Variants in KRT72 observed in about 807,000 individuals in gnomAD.
KRT72 encodes keratin, type II cytoskeletal 72.
In KRT72, 44 loss-of-function variants were observed where a neutral mutation model predicts 44.7. That is an observed-to-expected ratio of 0.98 (90% CI 0.77 to 1.27). KRT72 has a LOEUF of 1.27. Ranked by LOEUF, KRT72 falls within the 50% of genes most tolerant of loss-of-function variation. The pLI is 0.00. For synonymous variants in KRT72, 302 were observed against 280.4 expected, an observed-to-expected ratio of 1.08 and a Z score of -0.77; for missense variants, 736 against 667.1, an observed-to-expected ratio of 1.10 and a Z score of -1.14.
intron 4 of KRT72, among the ~76,000 whole-genome samples, chr12:52,591,836 A>G (rs1469353773): frequency 6.6e-6 from 1 of 152,120 alleles, no homozygotes; most frequent in African/African-American, 2.4e-5. Context: ...TTGCACACTC[A>G]GGAGCACTCC....
chr12:52,601,851 G>A (rs868278310), upstream of KRT72, among the ~76,000 whole-genome samples: 1 of 152,150 alleles, frequency 6.6e-6, no homozygotes, highest in African/African-American at 2.4e-5. Flanking sequence ...CTGGGGAGAC[G>A]GAGGTGTGTG....
intron 2 of KRT72, among the ~76,000 whole-genome samples, chr12:52,598,334 C>T (rs1335012588): frequency 6.6e-6 from 1 of 152,188 alleles, no homozygotes; most frequent in Admixed American, 6.5e-5. Context: ...CCCTAGAAAT[C>T]CTGGCATCTG....
Position 52,590,824 on chromosome 12 carries a change from C to T in KRT72, c.1089+12G>A. 2 of 1,564,096 alleles carry T rather than the reference C, an allele frequency of 1.3e-6. No individual in the cohort carries two copies. Among genetic ancestry groups the T allele is most frequent in the African/African-American group, 1.4e-5 (1 of 73,966 alleles). ...ATAAATACTGTTAGTGGATTAATTT[C>T]ATAGAACCCACCTGCTTCTTCACAT... On this transcript the variant is annotated intron_variant, in intron 6 of 8. Coordinates refer to ENST00000293745, the MANE Select transcript of KRT72 (RefSeq NM_080747.3).
At chr12:52,601,900 G>A (rs1224238957), upstream of KRT72, among the ~76,000 whole-genome samples, 1 of 152,202 alleles carries the variant, frequency 6.6e-6, no homozygotes, top group Non-Finnish European at 1.5e-5. Context: ...AGAAGGCCAT[G>A]AATAGAGTCA....
chr12:52,593,338 C>T (rs1940121227), intron 2 of KRT72, among the ~76,000 whole-genome samples: 1 of 152,156 alleles, frequency 6.6e-6, no homozygotes, highest in South Asian at 2.1e-4. Flanking sequence ...ACCTCCTAGG[C>T]ACCAAACAAA....
rs780716832 is a variant in KRT72 at position 52,586,137 on chromosome 12, C to A, written c.1381G>T (p.Ala461Ser). Residue 461 changes from alanine (A) to serine (S), a missense_variant, in exon 9 of 9, where the codon GCT becomes TCT. Transcript: ENST00000293745. ...GCGCCAAAGCCCATGCTGAAGCCAG[C>A]CCCTCCTGCCCCAGCATTGGTGCTG... ...ISSTNAGAGG[A>S]GFSMGFGASS... is the part of the protein sequence containing the mutation. The A allele has an allele frequency of 3.7e-6, 6 of 1,613,914 alleles. No individual in the cohort carries two copies.
chr12:52,586,820 C>A, intron 8 of KRT72, 126 bp downstream of exon 8: 1 of 909,218 alleles, frequency 1.1e-6, no homozygotes, highest in South Asian at 1.4e-5. Context: ...CAGCTCCTTC[C>A]TTTTTCCCTT....
chr12:52,602,288 G>T (rs762606200), upstream of KRT72, among the ~76,000 whole-genome samples: 8 of 152,132 alleles, frequency 5.3e-5, no homozygotes, highest in Non-Finnish European at 7.4e-5. Flanking sequence ...TAGCAGAAGA[G>T]GCTTATTTAT....
chr12:52,593,014 C>A (rs1184949236), intron 2 of KRT72, 62 bp from the exon 3 acceptor site: 1 of 1,470,628 alleles, frequency 6.8e-7, no homozygotes, highest in Non-Finnish European at 9.4e-7. Context: ...CAGTTAGTGA[C>A]CACCTCTGTG....
At position 52,587,653 on chromosome 12, in the gene KRT72, G is replaced by C; in HGVS notation, c.1288C>G (p.Leu430Val). 6.2e-7 allele frequency: 1 copy of C among 1,614,182 alleles called. No individual in the cohort carries two copies. Among genetic ancestry groups the C allele is most frequent in the Non-Finnish European group, 8.5e-7 (1 of 1,180,022 alleles). ...LDMEIATYRKLLESEECRMSG... is the reference protein window; with the variant it reads ...LDMEIATYRKVLESEECRMSG... ...CACCTGCACTCCTCGCTCTCCAGCAGCTTGCGGTAGGTGGCGATCTCCATA... is the reference window on the plus strand; with the variant it reads ...CACCTGCACTCCTCGCTCTCCAGCACCTTGCGGTAGGTGGCGATCTCCATA... The change falls in exon 7 of 9, where the codon CTG (leucine) becomes GTG (valine). Residue 430 changes from leucine to valine, a missense_variant. Transcript: ENST00000293745.
intron 4 of KRT72, 144 bp downstream of exon 4, chr12:52,592,252 C>T: frequency 3.0e-6 from 2 of 659,970 alleles, no homozygotes; most frequent in East Asian, 2.7e-5. Context: ...GTTCAGCACC[C>T]AGTAGGGCCT....
At chr12:52,591,057 A>C in intron 5 of KRT72, 96 bp from the exon 6 acceptor site, 7 of 1,227,548 alleles carry the variant, frequency 5.7e-6, no homozygotes, top group Non-Finnish European at 7.6e-6. Flanking sequence ...GCCCTAGTTC[A>C]ACAAGATCCT....
chr12:52,588,572 C>T (rs1285639187), intron 6 of KRT72, among the ~76,000 whole-genome samples: 1 of 152,112 alleles, frequency 6.6e-6, no homozygotes, highest in African/African-American at 2.4e-5. Context: ...GCTCAAGATG[C>T]ATGGTTGATA....
intron 2 of KRT72, among the ~76,000 whole-genome samples, chr12:52,598,161 C>T (rs555522300): frequency 2.6e-5 from 4 of 152,330 alleles, no homozygotes; most frequent in South Asian, 4.1e-4. Flanking sequence ...GGTCAGGGAC[C>T]GTGTCTCCTC....
At chr12:52,597,938 G>A (rs776734961) in intron 2 of KRT72, among the ~76,000 whole-genome samples, 1 of 152,240 alleles carries the variant, frequency 6.6e-6, no homozygotes, top group Non-Finnish European at 1.5e-5. Context: ...GAAAGGCCCA[G>A]AGATAGCACT....
chr12:52,592,798 G>A (rs899042608), intron 3 of KRT72, 94 bp downstream of exon 3: 3 of 1,069,286 alleles, frequency 2.8e-6, no homozygotes, highest in African/African-American at 1.6e-5. Context: ...AAGGGACTGA[G>A]TGACCTACAG....
chr12:52,592,603 G>C, intron 3 of KRT72, 112 bp from the exon 4 acceptor site: 1 of 793,332 alleles, frequency 1.3e-6, no homozygotes, highest in South Asian at 1.7e-5. Flanking sequence ...TGCTTCATGG[G>C]GGGCTCCCTG....
intron 7 of KRT72, 59 bp downstream of exon 7, chr12:52,587,572 A>C (rs1939818450): frequency 6.4e-7 from 1 of 1,571,520 alleles, no homozygotes; most frequent in Admixed American, 1.7e-5. Context: ...TTTGCCTTGG[A>C]GCTTCCTACC....
At position 52,591,635 on chromosome 12, in the gene KRT72, A is replaced by G; in HGVS notation, c.799-7T>C. ...ACTGGATCTGAGTGATCTCCTGGGG[A>G]CGGTTGGGGGAGGGGAGCTAGTTAA... On this transcript the variant is annotated splice_region_variant and splice_polypyrimidine_tract_variant and intron_variant, in intron 4 of 8. Transcript: ENST00000293745. 2 of 1,602,690 alleles carry G rather than the reference A, an allele frequency of 1.2e-6. No homozygotes were observed. Among genetic ancestry groups the G allele is most frequent in the Non-Finnish European group, 1.7e-6 (2 of 1,171,300 alleles).
Sources: gnomAD v4.1 joint callset for allele counts (sites outside exome capture counted in the v4.1 genomes callset) on GRCh38, gnomAD v4.1.1 for gene constraint, MANE v1.5 for transcripts, NCBI Gene and HGNC (gene_info 2026-07-23, HGNC 2026-07-21) for gene names.